ETS1: variants seen among roughly 807,000 people sequenced by gnomAD.
ETS1 encodes the protein protein C-ets-1.
Under a neutral mutation model 58.6 loss-of-function variants are expected in ETS1, and 15 were observed. The observed-to-expected ratio is 0.26, with a 90% CI of 0.17 to 0.39. ETS1 has a LOEUF of 0.39. Among genes scored for constraint, ETS1 ranks in the 10% least tolerant of loss-of-function variants. The pLI, the probability that ETS1 is intolerant of heterozygous loss-of-function variation, is 1.00. For missense variants in ETS1, 417 were observed against 610.5 expected, an observed-to-expected ratio of 0.68 and a Z score of 3.34; for synonymous variants, 214 against 218.2, an observed-to-expected ratio of 0.98 and a Z score of 0.17.
chr11:128,528,895 C>G (rs1234409810), intron 3 of ETS1: 1 of 152,168 alleles, frequency 6.6e-6, no homozygotes, highest in Admixed American at 6.5e-5. Flanking sequence ...TACTTTTTAT[C>G]TAATTTTTTA....
At chr11:128,576,719 C>T (rs895221265) in intron 1 of ETS1, among the ~76,000 whole-genome samples, 6 of 151,950 alleles carry the variant, frequency 3.9e-5, no homozygotes, top group African/African-American at 1.5e-4. Flanking sequence ...CCCCTCTCGC[C>T]GTGACCCCTG....
rs114270782 is a variant in ETS1 at position 128,529,866 on chromosome 11, A to G, written c.214+26425T>C. ...ATTAATATGAATCCTAGCTTCACCA[A>G]TGCTAACTCTACCAACAGAGGAAGT... On this transcript the variant is annotated intron_variant, in intron 3 of 9. Transcript: ENST00000392668. Among the ~76,000 whole-genome samples, 363 of 152,286 alleles carry G rather than the reference A, an allele frequency of 2.4e-3. 2 individuals carry two copies. The highest frequency in any genetic ancestry group is 8.4e-3 in the African/African-American group (348 of 41,560).
At chr11:128,552,014 G>T (rs1178929314) in intron 3 of ETS1, among the ~76,000 whole-genome samples, 3 of 152,092 alleles carry the variant, frequency 2.0e-5, no homozygotes, top group Non-Finnish European at 4.4e-5. Flanking sequence ...ACCCTAAAGT[G>T]ATTCTCATGT....
intron 2 of ETS1, among the ~76,000 whole-genome samples, chr11:128,559,931 T>C (rs1348311792): frequency 6.6e-6 from 1 of 152,194 alleles, no homozygotes; most frequent in East Asian, 1.9e-4. Context: ...TCTTCCTTTC[T>C]TGGCTGCAAC....
At chr11:128,582,006 G>A (rs1864880072) in intron 1 of ETS1, among the ~76,000 whole-genome samples, 1 of 152,146 alleles carries the variant, frequency 6.6e-6, no homozygotes, top group Admixed American at 6.5e-5. Context: ...GATTTTCATG[G>A]TGGAGTTTCA....
chr11:128,530,860 C>A (rs1863886397), intron 3 of ETS1, among the ~76,000 whole-genome samples: 1 of 152,168 alleles, frequency 6.6e-6, no homozygotes, highest in Admixed American at 6.5e-5. Flanking sequence ...TTGAGAGAGA[C>A]CAGATGGCTG....
At chr11:128,544,340 A>AATATATATATATAT (rs10542616) in intron 3 of ETS1, among the ~76,000 whole-genome samples, 2,712 of 116,736 alleles carry the variant, frequency 0.023, 73 homozygotes, top group East Asian at 0.042. Context: ...ATTGTTTACT[A>AATATATATATATAT]ATATATATAT....
chr11:128,564,754 C>A (rs1290190804), intron 2 of ETS1, among the ~76,000 whole-genome samples: 1 of 152,054 alleles, frequency 6.6e-6, no homozygotes, highest in Non-Finnish European at 1.5e-5. Context: ...TTCAGAAGCC[C>A]AGTGGTACCA....
At chr11:128,504,388 C>A (rs1209035289) in intron 3 of ETS1, among the ~76,000 whole-genome samples, 2 of 152,134 alleles carry the variant, frequency 1.3e-5, no homozygotes, top group African/African-American at 4.8e-5. Flanking sequence ...TATCCAGGAC[C>A]AAAAAGCAGA....
intron 3 of ETS1, among the ~76,000 whole-genome samples, chr11:128,520,360 A>C (rs1335184604): frequency 6.6e-6 from 1 of 152,190 alleles, no homozygotes; most frequent in Non-Finnish European, 1.5e-5. Context: ...TATCGACACG[A>C]TATTTCCCAG....
chr11:128,580,424 T>C (rs569109316), intron 1 of ETS1, among the ~76,000 whole-genome samples: 1 of 152,238 alleles, frequency 6.6e-6, no homozygotes, highest in South Asian at 2.1e-4. Context: ...TAACAAAAGC[T>C]CCCAAATCCA....
intron 3 of ETS1, among the ~76,000 whole-genome samples, chr11:128,533,321 T>C (rs1164953981): frequency 2.6e-5 from 4 of 152,188 alleles, no homozygotes; most frequent in Non-Finnish European, 4.4e-5. Flanking sequence ...TTTCTGAAAG[T>C]CAGAGAGCCT....
chr11:128,569,318 C>CTTTTTTTTTTTTTTTTT (rs398018017), intron 2 of ETS1, among the ~76,000 whole-genome samples: 2,101 of 39,428 alleles, frequency 0.053, 739 homozygotes, highest in Non-Finnish European at 0.058. Context: ...AGAGTTTCTT[C>CTTTTTTTTTTTTTTTTT]TTTTTTTTTT....
chr11:128,557,795 A>G (rs1384282690), intron 2 of ETS1, among the ~76,000 whole-genome samples: 1 of 152,228 alleles, frequency 6.6e-6, no homozygotes, highest in South Asian at 2.1e-4. Context: ...AAGGTAGCTC[A>G]TAAGATGGTA....
chr11:128,491,595 C>T (rs1862802026), intron 3 of ETS1, among the ~76,000 whole-genome samples: 1 of 152,198 alleles, frequency 6.6e-6, no homozygotes, highest in African/African-American at 2.4e-5. Flanking sequence ...GCATCAACTA[C>T]AAAAAGATCA....
At chr11:128,506,881 C>T (rs1267019632) in intron 3 of ETS1, among the ~76,000 whole-genome samples, 3 of 152,118 alleles carry the variant, frequency 2.0e-5, no homozygotes, top group African/African-American at 7.2e-5. Context: ...AGTTCCCTAC[C>T]CTAAAGATGC....
chr11:128,495,968 T>C (rs11606009), intron 3 of ETS1, among the ~76,000 whole-genome samples: 14,993 of 152,194 alleles, frequency 0.099, 836 homozygotes, highest in Middle Eastern at 0.24. Flanking sequence ...ACTACCCGTT[T>C]TTATTTCATC....
chr11:128,487,023 C>T (rs778833138), intron 5 of ETS1, among the ~76,000 whole-genome samples: 1 of 152,160 alleles, frequency 6.6e-6, no homozygotes, highest in Non-Finnish European at 1.5e-5. Context: ...TTTATGCCTG[C>T]ACAGAAAAAC....
rs1862589784 is a variant in ETS1, at chr11:128,485,032, T to G, written c.653A>C (p.Glu218Ala). Residue 218 changes from glutamate to alanine, a missense_variant, in exon 7 of 10, where the codon GAG (glutamate) becomes GCG (alanine). Coordinates refer to ENST00000392668, the MANE Select transcript of ETS1 (RefSeq NM_001143820.2). ...TGTGATGAAGCTGGGCTCTGAGAACTCCGATGGTGGAACACACTGGGCATG... is the reference window on the plus strand; with the variant it reads ...TGTGATGAAGCTGGGCTCTGAGAACGCCGATGGTGGAACACACTGGGCATG... Reference protein sequence around the residue: ...IEHAQCVPPSEFSEPSFITES... With the variant: ...IEHAQCVPPSAFSEPSFITES... 3 of 1,613,776 alleles carry G rather than the reference T, an allele frequency of 1.9e-6. No individual in the cohort carries two copies. The highest frequency in any genetic ancestry group is 8.5e-7 in the Non-Finnish European group (1 of 1,179,894).
Sources: gnomAD v4.1 joint callset for allele counts (sites outside exome capture counted in the v4.1 genomes callset) on GRCh38, gnomAD v4.1.1 for gene constraint, MANE v1.5 for transcripts, NCBI Gene and HGNC (gene_info 2026-07-23, HGNC 2026-07-21) for gene names.